The following RYR3 variants were observed in gnomAD, a reference collection of about 807,000 sequenced individuals.
RYR3 encodes brain ryanodine receptor-calcium release channel.
Under a neutral mutation model 584.3 loss-of-function variants are expected in RYR3, and 207 were observed. The ratio of observed to expected loss-of-function variants is 0.35; its 90% CI spans 0.32 to 0.40. The LOEUF is 0.40. Among genes scored for constraint, RYR3 ranks in the 10% least tolerant of loss-of-function variants. The probability of loss-of-function intolerance (pLI) is 1.00; values close to 1 mark genes in which losing one functional copy is unlikely to be tolerated. For missense variants in RYR3, 5,616 were observed against 6,089.2 expected, an observed-to-expected ratio of 0.92 and a Z score of 2.59; for synonymous variants, 2,416 against 2,248.5, an observed-to-expected ratio of 1.07 and a Z score of -2.11.
intron 98 of RYR3, among the ~76,000 whole-genome samples, chr15:33,857,363 T>G (rs935128371): frequency 7.9e-5 from 12 of 151,998 alleles, no homozygotes. Context: ...TCTCTCTCTG[T>G]GTCTCCAACT....
chr15:33,517,473 C>T (rs188938289), intron 3 of RYR3, among the ~76,000 whole-genome samples: 2 of 152,328 alleles, frequency 1.3e-5, no homozygotes, highest in Non-Finnish European at 2.9e-5. Flanking sequence ...AACATGTCAC[C>T]AATTCCTGTT....
At chr15:33,447,644 T>C (rs1191292552) in intron 1 of RYR3, among the ~76,000 whole-genome samples, 4 of 152,158 alleles carry the variant, frequency 2.6e-5, no homozygotes, top group African/African-American at 9.7e-5. Flanking sequence ...TGGAGGCCAC[T>C]AGCTACATGT....
intron 3 of RYR3, among the ~76,000 whole-genome samples, chr15:33,518,065 A>G (rs1433393171): frequency 6.6e-6 from 1 of 152,210 alleles, no homozygotes; most frequent in East Asian, 1.9e-4. Context: ...ATGACTGGAC[A>G]ATGATAGAGT....
chr15:33,375,928 G>A (rs1347136513), intron 1 of RYR3, among the ~76,000 whole-genome samples: 1 of 152,090 alleles, frequency 6.6e-6, no homozygotes, highest in Non-Finnish European at 1.5e-5. Flanking sequence ...GCTGGGCGTG[G>A]TGGCGGGCGC....
chr15:33,491,332 T>C lies in RYR3; in HGVS notation c.172-12299T>C, dbSNP rs540365305. Among the ~76,000 whole-genome samples the C allele has an allele frequency of 2.6e-5, 4 of 152,330 alleles. No homozygotes were observed. In the East Asian group the frequency reaches 7.7e-4, roughly 29 times the overall value. ...ATAGACTTGCTTCCTTTCCAAAATA[T>C]ACAAGTTTAATAGGCAGCCAAACAT... On this transcript the variant is annotated intron_variant, in intron 2 of 103. Transcript: ENST00000634891.
At chr15:33,794,063 TAAATAAATATATATAAATATATACATAA>T (rs1476604099) in intron 67 of RYR3, among the ~76,000 whole-genome samples, 2 of 126,594 alleles carry the variant, frequency 1.6e-5, no homozygotes, top group African/African-American at 7.8e-5. Context: ...AATATATACA[TAAATAAATATATATAAATATATACATAA>T]TATATATTAT....
chr15:33,726,615 G>C, intron 46 of RYR3, 109 bp downstream of exon 46: 1 of 1,169,026 alleles, frequency 8.6e-7, no homozygotes, highest in Non-Finnish European at 1.2e-6. Flanking sequence ...TGCAGGGCGG[G>C]CTGCACAGGG....
rs1595875324 is a variant in RYR3, at chr15:33,624,118, A to G, written c.2574+95A>G. The G allele has an allele frequency of 6.0e-6, 5 of 837,664 alleles. No individual in the cohort carries two copies. In the East Asian group the frequency reaches 9.7e-5, roughly 16 times the overall value. 51.9% of individuals were successfully genotyped at this position (837,664 alleles called of 1,614,324 possible). A position where few individuals can be genotyped will look rare whatever the true frequency, so the allele number is the denominator to read the frequency against. On this transcript the variant is annotated intron_variant, in intron 20 of 103. Coordinates refer to ENST00000634891, the MANE Select transcript of RYR3 (RefSeq NM_001036.6). ...CTTGTTTTTGAACCTTTCTTAATAT[A>G]CATGCTCCAGAATTGTTGTATAATG... is the stretch of plus-strand genomic sequence containing the variant.
intron 5 of RYR3, among the ~76,000 whole-genome samples, chr15:33,537,570 C>T (rs1382265800): frequency 6.6e-6 from 1 of 152,214 alleles, no homozygotes; most frequent in African/African-American, 2.4e-5. Context: ...AGGCTTTCTA[C>T]TAGCCAGTGG....
intron 19 of RYR3, among the ~76,000 whole-genome samples, chr15:33,623,516 T>C (rs998365165): frequency 7.2e-5 from 11 of 152,172 alleles, no homozygotes; most frequent in African/African-American, 2.7e-4. Context: ...AGTAATTATT[T>C]ACCTATTAGA....
chr15:33,550,459 C>T (rs887936815), intron 10 of RYR3, 143 bp downstream of exon 10: 1 of 743,220 alleles, frequency 1.3e-6, no homozygotes, highest in Non-Finnish European at 2.1e-6. Context: ...ACACTTTCTT[C>T]TTTTATCTTT....
intron 57 of RYR3, among the ~76,000 whole-genome samples, chr15:33,752,162 G>A (rs146563372): frequency 0.015 from 2,248 of 152,242 alleles, 37 homozygotes; most frequent in African/African-American, 0.051. Context: ...GTCAGGTAGC[G>A]TGATGGCTCC....
At chr15:33,803,623 C>A (rs551698525) in intron 69 of RYR3, among the ~76,000 whole-genome samples, 1 of 152,146 alleles carries the variant, frequency 6.6e-6, no homozygotes, top group African/African-American at 2.4e-5. Flanking sequence ...TCAAGCAATT[C>A]TTCTGCCTCA....
intron 63 of RYR3, 130 bp downstream of exon 63, chr15:33,772,288 A>G (rs2073634356): frequency 1.7e-6 from 1 of 585,168 alleles, no homozygotes; most frequent in Admixed American, 3.1e-5. Flanking sequence ...TTTCTTTCTT[A>G]GATTAAAAAA....
At chr15:33,649,824 A>G (rs1306437979) in intron 31 of RYR3, among the ~76,000 whole-genome samples, 1 of 152,238 alleles carries the variant, frequency 6.6e-6, no homozygotes, top group East Asian at 1.9e-4. Context: ...ATTGTTGGCC[A>G]GATGTGCTCC....
At chr15:33,644,566 G>C (rs773774061) in intron 28 of RYR3, 47 bp downstream of exon 28, 15 of 1,465,820 alleles carry the variant, frequency 1.0e-5, no homozygotes, top group South Asian at 1.2e-5. Flanking sequence ...GGTGGGCCAA[G>C]GCCCTAAGCT....
At position 33,748,275 on chromosome 15, in the gene RYR3, CCA is replaced by C; in HGVS notation, c.8136+16_8136+17del. ...AGGCCAACCAGGTATGACACCACAC[CCA>C]GAGGCCCACGCTGGGCCGATGGAAG... On this transcript the variant is annotated intron_variant, in intron 54 of 103. Coordinates refer to ENST00000634891, the MANE Select transcript of RYR3 (RefSeq NM_001036.6). The C allele has an allele frequency of 9.9e-6, 16 of 1,613,020 alleles. No homozygotes were observed. The highest frequency in any genetic ancestry group is 1.4e-5 in the Non-Finnish European group (16 of 1,179,488).
At position 33,550,156 on chromosome 15, in the gene RYR3, C is replaced by T. The variant is rs1230914389; in HGVS notation, c.816-4C>T. 2 of 1,609,654 alleles carry T rather than the reference C, an allele frequency of 1.2e-6. No individual in the cohort carries two copies. Among genetic ancestry groups the T allele is most frequent in the South Asian group, 2.2e-5 (2 of 89,922 alleles). Reference sequence around the variant, plus strand: ...GCAATTTCTTGTCTGTTTCATCTGCCCAGCTGGAGTGGCAGTAACATCAGA... The same window carrying T: ...GCAATTTCTTGTCTGTTTCATCTGCTCAGCTGGAGTGGCAGTAACATCAGA... On this transcript the variant is annotated splice_region_variant and splice_polypyrimidine_tract_variant and intron_variant, in intron 9 of 103. Transcript: ENST00000634891.
At chr15:33,825,979 C>A (rs2077360636) in intron 82 of RYR3, among the ~76,000 whole-genome samples, 1 of 152,004 alleles carries the variant, frequency 6.6e-6, no homozygotes. Flanking sequence ...GGTGATCCAC[C>A]CCACCTTAGC....
Sources: gnomAD v4.1 joint callset for allele counts (sites outside exome capture counted in the v4.1 genomes callset) on GRCh38, gnomAD v4.1.1 for gene constraint, MANE v1.5 for transcripts, NCBI Gene and HGNC (gene_info 2026-07-23, HGNC 2026-07-21) for gene names.